The following TBCD variants were observed in gnomAD, a reference collection of about 807,000 sequenced individuals.
TBCD encodes the protein tubulin-specific chaperone D.
A neutral mutation model predicts 169.3 loss-of-function variants in TBCD; 105 were observed. The ratio of observed to expected loss-of-function variants is 0.62; its 90% CI spans 0.53 to 0.73. The LOEUF is 0.73. Ranked by LOEUF, TBCD falls within the 30% of genes least tolerant of loss-of-function variation. The pLI is 0.00. For missense variants in TBCD, 1,444 were observed against 1,600.1 expected, an observed-to-expected ratio of 0.90 and a Z score of 1.66; for synonymous variants, 700 against 643.9, an observed-to-expected ratio of 1.09 and a Z score of -1.32.
chr17:82,826,231 T>TTTA (rs1555603791), intron 13 of TBCD, among the ~76,000 whole-genome samples: 5 of 152,108 alleles, frequency 3.3e-5, no homozygotes, highest in African/African-American at 1.2e-4. Context: ...ACCTTTTTTT[T>TTTA]TTATTATTTT....
In TBCD at chr17:82,832,090, G is replaced by T. The variant is rs35182876; in HGVS notation, c.1318+17156G>T. The stretch of plus-strand genomic sequence containing the variant: ...TGGCTTCTGTCCCAGGCACCTGTGG[G>T]TTCCCCGGGCTTGCAGCTCCAGGTT... On this transcript the variant is annotated intron_variant, in intron 13 of 38. Coordinates refer to ENST00000355528, the MANE Select transcript of TBCD (RefSeq NM_005993.5). The surrounding 1 kb of genome is among the most constrained non-coding windows in gnomAD (Gnocchi z 4.9). 3,847 of 1,614,188 alleles carry T rather than the reference G, an allele frequency of 2.4e-3. 91 individuals are homozygous for T. In the African/African-American group the frequency reaches 0.045, roughly 19 times the overall value.
intron 2 of TBCD, among the ~76,000 whole-genome samples, chr17:82,762,728 C>G (rs556089567): frequency 6.6e-6 from 1 of 151,372 alleles, no homozygotes; most frequent in East Asian, 1.9e-4. Context: ...CAGCCTGGGT[C>G]ACAGAGTGAG....
intron 34 of TBCD, 84 bp from the exon 35 acceptor site, chr17:82,937,187 G>C: frequency 1.5e-6 from 2 of 1,303,992 alleles, no homozygotes; most frequent in Non-Finnish European, 2.2e-6. Flanking sequence ...GGAGGACGGA[G>C]TTGACCTTCT....
chr17:82,929,279 CG>C lies in TBCD; in HGVS notation c.2852+12del. 6.2e-7 allele frequency: 1 copy of C among 1,613,164 alleles called. No individual in the cohort carries two copies. The highest frequency in any genetic ancestry group is 8.5e-7 in the Non-Finnish European group (1 of 1,179,342). On this transcript the variant is annotated intron_variant, in intron 31 of 38. Transcript: ENST00000355528. ...GGAAAAGCTGTTTCCCAGGTACTGTCGGGGTGTAGGCCCCCCGTGCTGGCCC... is the reference window on the plus strand; with the variant it reads ...GGAAAAGCTGTTTCCCAGGTACTGTCGGGTGTAGGCCCCCCGTGCTGGCCC...
At chr17:82,810,789 T>C (rs1007617551) in intron 12 of TBCD, among the ~76,000 whole-genome samples, 8 of 152,208 alleles carry the variant, frequency 5.3e-5, no homozygotes, top group African/African-American at 1.9e-4. Context: ...GCGAAAGCTG[T>C]GCTGTCAGCA....
intron 13 of TBCD, among the ~76,000 whole-genome samples, chr17:82,854,631 G>A (rs1408173901): frequency 1.3e-5 from 2 of 152,220 alleles, no homozygotes; most frequent in Non-Finnish European, 2.9e-5. Flanking sequence ...AAAGGGGCAA[G>A]CATTCACGTT....
chr17:82,910,817 C>T (rs8067380), intron 22 of TBCD, among the ~76,000 whole-genome samples: 79,790 of 152,110 alleles, frequency 0.52, 21,625 homozygotes, highest in East Asian at 0.71. Flanking sequence ...CCGCCCGCCT[C>T]GGCCTTCCAC....
intron 30 of TBCD, among the ~76,000 whole-genome samples, chr17:82,928,284 C>T (rs553222428): frequency 6.6e-6 from 1 of 152,324 alleles, no homozygotes; most frequent in Admixed American, 6.5e-5. Context: ...AGCCAGCTTC[C>T]CGGGGTAGGG....
At chr17:82,941,225 C>G (rs1477547359) in intron 37 of TBCD, among the ~76,000 whole-genome samples, 174 bp from the exon 38 acceptor site, 1 of 152,264 alleles carries the variant, frequency 6.6e-6, no homozygotes, top group African/African-American at 2.4e-5. Flanking sequence ...GCTCGAGGCT[C>G]TGCTGGAGAA....
intron 13 of TBCD, among the ~76,000 whole-genome samples, chr17:82,846,319 C>T (rs116411618): frequency 0.26 from 17,436 of 68,188 alleles, 2,282 homozygotes; most frequent in South Asian, 0.42. Flanking sequence ...CTGCGTCCAG[C>T]GTGCCGTGTC....
chr17:82,844,619 C>T (rs897934388), intron 13 of TBCD, among the ~76,000 whole-genome samples: 2 of 152,220 alleles, frequency 1.3e-5, no homozygotes, highest in Non-Finnish European at 1.5e-5. Flanking sequence ...TTCCAGGCTC[C>T]TCCGTGGTCC....
chr17:82,760,584 G>C (rs2047700238), intron 2 of TBCD, among the ~76,000 whole-genome samples: 1 of 152,142 alleles, frequency 6.6e-6, no homozygotes, highest in Non-Finnish European at 1.5e-5. Flanking sequence ...TTTGTAAATG[G>C]CAACACTGTA....
chr17:82,886,784 C>T lies in TBCD; in HGVS notation c.1533+2582C>T, dbSNP rs188641058. ...TCCCGGGTTCAAGCAGTTCTCCTGC[C>T]TCAGCCTCCCGAGTAGCTGGGATTA... On this transcript the variant is annotated intron_variant, in intron 15 of 38. Coordinates refer to ENST00000355528, the MANE Select transcript of TBCD (RefSeq NM_005993.5). Among the ~76,000 whole-genome samples the T allele has an allele frequency of 2.2e-3, 325 of 148,328 alleles. 1 individual carries two copies. The highest frequency in any genetic ancestry group is 7.2e-3 in the African/African-American group (292 of 40,472).
intron 13 of TBCD, among the ~76,000 whole-genome samples, chr17:82,836,525 A>G (rs2053989622): frequency 6.6e-6 from 1 of 152,152 alleles, no homozygotes; most frequent in Non-Finnish European, 1.5e-5. Flanking sequence ...ATTTAAGAAA[A>G]TTGAGGACTT....
chr17:82,765,610 C>T (rs947979722), intron 3 of TBCD, among the ~76,000 whole-genome samples: 5 of 152,174 alleles, frequency 3.3e-5, no homozygotes, highest in South Asian at 2.1e-4. Flanking sequence ...GCCAAGGACA[C>T]GCAGGCCTCT....
intron 13 of TBCD, 98 bp downstream of exon 13, chr17:82,815,032 G>T (rs2051756293): frequency 7.1e-6 from 11 of 1,555,082 alleles, no homozygotes; most frequent in Non-Finnish European, 9.5e-6. Flanking sequence ...ATGGTGAGTA[G>T]CTGAAGCACG....
At chr17:82,905,272 C>T (rs1019399320) in intron 19 of TBCD, among the ~76,000 whole-genome samples, 1 of 152,248 alleles carries the variant, frequency 6.6e-6, no homozygotes, top group Non-Finnish European at 1.5e-5. Flanking sequence ...GTGTGTCGTC[C>T]TCCTCCATGC....
chr17:82,908,179 C>T (rs1037567805), intron 21 of TBCD: 21 of 387,396 alleles, frequency 5.4e-5, no homozygotes, highest in African/African-American at 1.5e-4. Flanking sequence ...CTCCGGGGCG[C>T]GCGGCTGCGG....
intron 13 of TBCD, among the ~76,000 whole-genome samples, chr17:82,868,022 G>T (rs1370465485): frequency 6.6e-6 from 1 of 152,166 alleles, no homozygotes; most frequent in Non-Finnish European, 1.5e-5. Flanking sequence ...GGCCGTGCAG[G>T]GCCTTCCACA....
Sources: gnomAD v4.1 joint callset for allele counts (sites outside exome capture counted in the v4.1 genomes callset) on GRCh38, gnomAD v4.1.1 for gene constraint, Gnocchi (gnomAD v3.1) non-coding constraint, MANE v1.5 for transcripts, NCBI Gene and HGNC (gene_info 2026-07-23, HGNC 2026-07-21) for gene names.